The following CTNNA3 variants were observed in gnomAD, a reference collection of about 807,000 sequenced individuals.
The protein encoded by CTNNA3 is catenin alpha-3.
A neutral mutation model predicts 95.7 loss-of-function variants in CTNNA3; 76 were observed. The ratio of observed to expected loss-of-function variants is 0.79; its 90% CI spans 0.66 to 0.96. The LOEUF is 0.96. CTNNA3 is among the 40% of genes least tolerant of loss of function. The probability of loss-of-function intolerance (pLI) is 0.00; values close to 1 mark genes in which losing one functional copy is unlikely to be tolerated. For synonymous variants in CTNNA3, 431 were observed against 374.4 expected (o/e 1.15, Z -1.74); for missense variants, 1,191 against 1,089.8 (o/e 1.09, Z -1.31).
intron 14 of CTNNA3, among the ~76,000 whole-genome samples, chr10:66,081,312 G>A (rs952335592): frequency 2.0e-5 from 3 of 151,998 alleles, no homozygotes; most frequent in Admixed American, 1.3e-4. Flanking sequence ...AGAAGGACCT[G>A]TTAAAAAGAA....
At chr10:67,329,924 G>A (rs185426408) in intron 5 of CTNNA3, among the ~76,000 whole-genome samples, 21 of 152,214 alleles carry the variant, frequency 1.4e-4, no homozygotes, top group Admixed American at 3.9e-4. Context: ...TTCTCACTCC[G>A]CCACCTTAGG....
At position 66,481,469 on chromosome 10, in the gene CTNNA3, T is replaced by C. The variant is rs1344097415; in HGVS notation, c.1531+39148A>G. Among the ~76,000 whole-genome samples the C allele has an allele frequency of 1.1e-4, 13 of 113,868 alleles. 1 individual carries two copies. In the East Asian group the frequency reaches 3.7e-3, roughly 32 times the overall value. The allele number at this position is 113,868 out of a possible 152,430, so 74.7% of individuals were successfully genotyped here. A position where few individuals can be genotyped will look rare whatever the true frequency, so the allele number is the denominator to read the frequency against. On this transcript the variant is annotated intron_variant, in intron 11 of 17. Coordinates refer to ENST00000433211, the MANE Select transcript of CTNNA3 (RefSeq NM_013266.4). ...ACCTTATTCCCTTGTTTCTTTTTTT[T>C]TTTTTTTTTTTTTTTTTTTTGAGAC...
intron 4 of CTNNA3, among the ~76,000 whole-genome samples, chr10:67,529,251 G>C (rs1388816603): frequency 1.3e-5 from 2 of 152,002 alleles, no homozygotes; most frequent in African/African-American, 2.4e-5. Context: ...AAAGACCATA[G>C]TTAACAATAA....
intron 13 of CTNNA3, among the ~76,000 whole-genome samples, chr10:66,239,869 T>G (rs1202775894): frequency 6.6e-6 from 1 of 151,988 alleles, no homozygotes; most frequent in African/African-American, 2.4e-5. Flanking sequence ...TGTGTTTAGT[T>G]TAAATTCCTC....
At chr10:66,914,130 C>CTTTTTTTTTTTTTTCTTTTT (rs1564762700) in intron 7 of CTNNA3, among the ~76,000 whole-genome samples, 4 of 120,258 alleles carry the variant, frequency 3.3e-5, no homozygotes, top group African/African-American at 1.2e-4. Context: ...AGGGTGCCTT[C>CTTTTTTTTTTTTTTCTTTTT]TTTTTTTTTT....
At chr10:66,398,251 A>G (rs1349820450) in intron 11 of CTNNA3, among the ~76,000 whole-genome samples, 1 of 151,932 alleles carries the variant, frequency 6.6e-6, no homozygotes, top group East Asian at 1.9e-4. Context: ...TTATGAAAAG[A>G]GTGGCATGAA....
intron 11 of CTNNA3, among the ~76,000 whole-genome samples, chr10:66,478,631 T>C (rs1489283864): frequency 6.6e-6 from 1 of 151,940 alleles, no homozygotes; most frequent in Non-Finnish European, 1.5e-5. Flanking sequence ...AGATCATTAT[T>C]AGTAATAAAG....
intron 15 of CTNNA3, among the ~76,000 whole-genome samples, chr10:66,042,338 G>A (rs919862105): frequency 4.6e-5 from 7 of 152,038 alleles, no homozygotes; most frequent in Non-Finnish European, 7.4e-5. Context: ...TGAAAGCAAG[G>A]TCTATGTCAT....
At chr10:66,342,940 T>C (rs1042098069) in intron 12 of CTNNA3, among the ~76,000 whole-genome samples, 10 of 152,130 alleles carry the variant, frequency 6.6e-5, no homozygotes, top group African/African-American at 1.2e-4. Context: ...AATCTTTTCA[T>C]TGTTTTATTT....
intron 15 of CTNNA3, among the ~76,000 whole-genome samples, chr10:66,045,072 A>T (rs1051958929): frequency 6.6e-6 from 1 of 152,220 alleles, no homozygotes; most frequent in Non-Finnish European, 1.5e-5. Context: ...TCCACTATGC[A>T]TGGTACTTTT....
chr10:67,471,014 C>A (rs1847801585), intron 5 of CTNNA3, among the ~76,000 whole-genome samples: 1 of 151,910 alleles, frequency 6.6e-6, no homozygotes, highest in Non-Finnish European at 1.5e-5. Context: ...CCAGGTTTCA[C>A]CATGTCGGCC....
intron 13 of CTNNA3, among the ~76,000 whole-genome samples, chr10:66,159,261 T>G (rs1027861534): frequency 6.6e-6 from 1 of 152,102 alleles, no homozygotes; most frequent in African/African-American, 2.4e-5. Flanking sequence ...TTCTTTCAAC[T>G]TTTCCCCATT....
intron 7 of CTNNA3, among the ~76,000 whole-genome samples, chr10:67,117,393 C>G (rs1859238208): frequency 6.6e-6 from 1 of 151,982 alleles, no homozygotes; most frequent in Admixed American, 6.6e-5. Flanking sequence ...CTTTCCTGTT[C>G]CAGTTTGATG....
intron 9 of CTNNA3, among the ~76,000 whole-genome samples, chr10:66,685,667 A>G (rs1184595866): frequency 6.6e-6 from 1 of 151,684 alleles, no homozygotes; most frequent in African/African-American, 2.4e-5. Context: ...ACACCGCACC[A>G]GGCCAAGAAC....
rs79738220 is a variant in CTNNA3 at position 66,224,574 on chromosome 10, G to C, written c.1884+55896C>G. 4.4e-3 allele frequency among the ~76,000 whole-genome samples: 664 copies of C among 152,240 alleles called. 3 individuals are homozygous for C. The highest frequency in any genetic ancestry group is 0.015 in the African/African-American group (625 of 41,538). Reference sequence around the variant, plus strand: ...CTACAAGAAGGGCGTAGATGAGTCAGACACTGATCCAATTCTCACTGGCCC... The same window carrying C: ...CTACAAGAAGGGCGTAGATGAGTCACACACTGATCCAATTCTCACTGGCCC... On this transcript the variant is annotated intron_variant, in intron 13 of 17. Coordinates refer to ENST00000433211, the MANE Select transcript of CTNNA3 (RefSeq NM_013266.4).
intron 16 of CTNNA3, among the ~76,000 whole-genome samples, chr10:65,978,441 T>C (rs888352249): frequency 8.6e-5 from 13 of 151,464 alleles, no homozygotes; most frequent in African/African-American, 2.9e-4. Context: ...TTTTTTTTTT[T>C]CCTTGCACGT....
chr10:66,286,651 G>T (rs933279987), intron 12 of CTNNA3, among the ~76,000 whole-genome samples: 2 of 152,008 alleles, frequency 1.3e-5, no homozygotes, highest in Non-Finnish European at 2.9e-5. Flanking sequence ...AGGTTTAAAA[G>T]GTACAGAGGT....
intron 6 of CTNNA3, among the ~76,000 whole-genome samples, chr10:67,181,027 G>A (rs1862514503): frequency 6.6e-6 from 1 of 152,168 alleles, no homozygotes; most frequent in Non-Finnish European, 1.5e-5. Flanking sequence ...AGCTGATGAT[G>A]AGTGAGGCTG....
chr10:67,249,282 T>C (rs1208597661), intron 5 of CTNNA3, among the ~76,000 whole-genome samples: 1 of 152,198 alleles, frequency 6.6e-6, no homozygotes, highest in East Asian at 1.9e-4. Context: ...AGAGTCTGCA[T>C]AGACATTACT....
Sources: allele counts gnomAD v4.1 joint callset (sites outside exome capture counted in the v4.1 genomes callset), GRCh38; gene constraint gnomAD v4.1.1; transcripts MANE v1.5; gene names NCBI Gene and HGNC (gene_info 2026-07-23, HGNC 2026-07-21).